The following PDZRN3 variants were observed in gnomAD, a reference collection of about 807,000 sequenced individuals.
PDZRN3 encodes E3 ubiquitin-protein ligase PDZRN3.
PDZRN3 carries 38 observed loss-of-function variants against 85.7 expected under a neutral mutation model. The observed-to-expected ratio is 0.44, with a 90% CI of 0.34 to 0.58. The LOEUF is 0.58. PDZRN3 is among the 20% of genes least tolerant of loss of function. The pLI, the probability that PDZRN3 is intolerant of heterozygous loss-of-function variation, is 0.01. For synonymous variants in PDZRN3, 759 were observed against 638.0 expected, an observed-to-expected ratio of 1.19 and a Z score of -2.86; for missense variants, 1,629 against 1,506.4, an observed-to-expected ratio of 1.08 and a Z score of -1.35.
chr3:73,424,384 A>AAAAAAAAAAAAAAAAAAAG (rs1702265991), intron 3 of PDZRN3, among the ~76,000 whole-genome samples: 1 of 148,962 alleles, frequency 6.7e-6, no homozygotes, highest in Non-Finnish European at 1.5e-5. Flanking sequence ...AAAAAAAAAA[A>AAAAAAAAAAAAAAAAAAAG]AAAAAAAATA....
chr3:73,594,267 A>C (rs550313515), intron 3 of PDZRN3, among the ~76,000 whole-genome samples: 102 of 152,292 alleles, frequency 6.7e-4, no homozygotes, highest in Middle Eastern at 3.4e-3. Flanking sequence ...AATTCTGGAA[A>C]GTATGTCTCC....
intron 3 of PDZRN3, among the ~76,000 whole-genome samples, chr3:73,574,605 C>G (rs1702094052): frequency 1.3e-5 from 2 of 152,048 alleles, no homozygotes; most frequent in Admixed American, 6.6e-5. Flanking sequence ...ATTACAGGAG[C>G]CTACCACCAC....
chr3:73,434,542 CCCCAAATG>C (rs1365069611), intron 3 of PDZRN3, among the ~76,000 whole-genome samples: 2 of 152,136 alleles, frequency 1.3e-5, no homozygotes, highest in Non-Finnish European at 2.9e-5. Flanking sequence ...GATAATCATT[CCCCAAATG>C]CATTTTCAAT....
At chr3:73,476,676 C>G (rs937169747) in intron 3 of PDZRN3, among the ~76,000 whole-genome samples, 2 of 152,182 alleles carry the variant, frequency 1.3e-5, no homozygotes, top group African/African-American at 4.8e-5. Context: ...CGTACCCTCT[C>G]TTTGATCATT....
chr3:73,415,804 G>A (rs1002249706), intron 3 of PDZRN3, among the ~76,000 whole-genome samples: 2 of 152,014 alleles, frequency 1.3e-5, no homozygotes, highest in African/African-American at 2.4e-5. Context: ...TAACTCCATC[G>A]TAAGTTAAGG....
intron 8 of PDZRN3, among the ~76,000 whole-genome samples, chr3:73,386,940 G>A (rs372764389): frequency 3.0e-4 from 45 of 152,268 alleles, no homozygotes; most frequent in African/African-American, 1.1e-3. Flanking sequence ...GCTCCCATAA[G>A]TCCTACGTGT....
Position 73,383,100 on chromosome 3 carries a change from TA to T in PDZRN3, c.*264del. 2.7e-6 allele frequency: 1 copy of T among 366,618 alleles called. No individual in the cohort carries two copies. Among genetic ancestry groups the T allele is most frequent in the East Asian group, 4.2e-5 (1 of 23,678 alleles). The allele number at this position is 366,618 out of a possible 1,614,324, so 22.7% of individuals were successfully genotyped here. On this transcript the variant is annotated 3_prime_UTR_variant, in exon 10 of 10. Coordinates refer to ENST00000263666, the MANE Select transcript of PDZRN3 (RefSeq NM_015009.3). Reference sequence around the variant, plus strand: ...CTTTCTGAAATTTAAACACTTTATGTAAAAGGGTACAGGTAGAAAAGTACAA... The same window carrying T: ...CTTTCTGAAATTTAAACACTTTATGTAAAGGGTACAGGTAGAAAAGTACAA...
chr3:73,538,086 A>C (rs1704832835), intron 3 of PDZRN3, among the ~76,000 whole-genome samples: 1 of 152,202 alleles, frequency 6.6e-6, no homozygotes, highest in Admixed American at 6.5e-5. Context: ...TCCATGGAGC[A>C]CATTTACAAC....
At chr3:73,578,325 T>A (rs1158743217) in intron 3 of PDZRN3, among the ~76,000 whole-genome samples, 1 of 152,078 alleles carries the variant, frequency 6.6e-6, no homozygotes, top group African/African-American at 2.4e-5. Context: ...CCTGCCACCA[T>A]GCCTGGCTAA....
chr3:73,396,440 A>G (rs1701638436), intron 5 of PDZRN3, among the ~76,000 whole-genome samples: 1 of 152,246 alleles, frequency 6.6e-6, no homozygotes, highest in East Asian at 1.9e-4. Flanking sequence ...AGCCACTTCA[A>G]TCCAGGATGG....
chr3:73,596,659 T>A (rs1702434613), intron 3 of PDZRN3, among the ~76,000 whole-genome samples: 1 of 152,088 alleles, frequency 6.6e-6, no homozygotes. Context: ...CAAACAGAAA[T>A]TAAGGGACAG....
Position 73,383,408 on chromosome 3 carries a change from C to G in PDZRN3, c.3158G>C (p.Gly1053Ala). 1 of 1,613,718 alleles carries G rather than the reference C, an allele frequency of 6.2e-7. No homozygotes were observed. The highest frequency in any genetic ancestry group is 8.5e-7 in the Non-Finnish European group (1 of 1,179,732). ...LLTHGTKSPD[G>A]TRVYNSFLSV... is the part of the protein sequence containing the mutation. Reference sequence around the variant, plus strand: ...TAGGAAGGAATTGTATACTCTAGTGCCGTCCGGGGATTTTGTGCCGTGGGT... The same window carrying G: ...TAGGAAGGAATTGTATACTCTAGTGGCGTCCGGGGATTTTGTGCCGTGGGT... Residue 1053 changes from glycine to alanine, a missense_variant, in exon 10 of 10, where the codon GGC (glycine) becomes GCC (alanine). Coordinates refer to ENST00000263666, the MANE Select transcript of PDZRN3 (RefSeq NM_015009.3).
chr3:73,384,491 A>T lies in PDZRN3; in HGVS notation c.2075T>A (p.Leu692Gln). Reference protein sequence around the residue: ...DKELELLNEELRSIELECLSI... With the variant: ...DKELELLNEEQRSIELECLSI... ...CAGGCACTCCAGCTCGATGCTGCGC[A>T]GCTCTTCGTTCAGCAGCTCCAGCTC... Residue 692 changes from leucine (L) to glutamine (Q), a missense_variant, in exon 10 of 10, where the codon CTG becomes CAG. By Grantham distance (113) the Leu-to-Gln change is moderately radical. Coordinates refer to ENST00000263666, the MANE Select transcript of PDZRN3 (RefSeq NM_015009.3). 1 of 1,613,628 alleles carries T rather than the reference A, an allele frequency of 6.2e-7. No individual in the cohort carries two copies.
At chr3:73,537,273 CTG>C (rs766918396) in intron 3 of PDZRN3, among the ~76,000 whole-genome samples, 8 of 152,200 alleles carry the variant, frequency 5.3e-5, no homozygotes, top group Admixed American at 2.0e-4. Context: ...ATGGAGAAGA[CTG>C]TGTTCCTAAA....
chr3:73,454,918 G>A (rs1275827458), intron 3 of PDZRN3, among the ~76,000 whole-genome samples: 1 of 150,506 alleles, frequency 6.6e-6, no homozygotes. Flanking sequence ...TTGCGATCTT[G>A]GTTGGACTGA....
chr3:73,545,439 G>A (rs1439435849), intron 3 of PDZRN3, among the ~76,000 whole-genome samples: 5 of 152,104 alleles, frequency 3.3e-5, no homozygotes, highest in Admixed American at 6.5e-5. Context: ...CTTTAGCTAC[G>A]TAAGAAAAAA....
chr3:73,550,904 A>G (rs1701537318), intron 3 of PDZRN3, among the ~76,000 whole-genome samples: 2 of 152,246 alleles, frequency 1.3e-5, no homozygotes, highest in African/African-American at 4.8e-5. Context: ...GCCCTGGAGA[A>G]GCAGAATGTT....
At position 73,384,790 on chromosome 3, in the gene PDZRN3, G is replaced by C; in HGVS notation, c.1776C>G (p.Asp592Glu). 6.2e-7 allele frequency: 1 copy of C among 1,613,896 alleles called. No homozygotes were observed. The highest frequency in any genetic ancestry group is 2.2e-5 in the East Asian group (1 of 44,882). ...CCAGCGGGTTGGAGGATGCGGTGGC[G>C]TCGTCGCCATTGTTCTCTTGCTCCG... is the stretch of plus-strand genomic sequence containing the variant. ...ESSEQENNGDDATASSNPLAG... is the reference protein window; with the variant it reads ...ESSEQENNGDEATASSNPLAG... Residue 592 changes from aspartate to glutamate, a missense_variant, in exon 10 of 10, where the codon GAC (aspartate) becomes GAG (glutamate). By Grantham distance (45) the Asp-to-Glu change is conservative. Coordinates refer to ENST00000263666, the MANE Select transcript of PDZRN3 (RefSeq NM_015009.3).
At chr3:73,489,570 C>CTTTTATTTTTTTTTTTTTTTTT in intron 3 of PDZRN3, among the ~76,000 whole-genome samples, 1 of 17,192 alleles carries the variant, frequency 5.8e-5, no homozygotes, top group African/African-American at 1.9e-4. Flanking sequence ...TGGGCAGTTT[C>CTTTTATTTTTTTTTTTTTTTTT]TTTTCTTTTT....
Sources: gnomAD v4.1 joint callset for allele counts (sites outside exome capture counted in the v4.1 genomes callset) on GRCh38, gnomAD v4.1.1 for gene constraint, MANE v1.5 for transcripts, NCBI Gene and HGNC (gene_info 2026-07-23, HGNC 2026-07-21) for gene names.